The following ATP10A variants were observed in gnomAD, a reference collection of about 807,000 sequenced individuals.
ATP10A encodes ATPase phospholipid transporting 10A (putative).
ATP10A carries 111 observed loss-of-function variants against 147.8 expected under a neutral mutation model. That is an observed-to-expected ratio of 0.75 (90% CI 0.64 to 0.88). The LOEUF (loss-of-function observed/expected upper bound fraction) is 0.88. Among genes scored for constraint, ATP10A ranks in the 40% least tolerant of loss-of-function variants. The pLI is 0.00. For missense variants in ATP10A, 1,927 were observed against 1,959.0 expected (o/e 0.98, Z 0.31); for synonymous variants, 875 against 841.6 (o/e 1.04, Z -0.69).
Position 25,862,844 on chromosome 15 carries a change from G to A in ATP10A, c.253C>T (p.Arg85Cys), listed in dbSNP as rs1893829567. The part of the protein sequence containing the change: ...LPKNLFEQFH[R>C]PANVYFVFIA... The stretch of plus-strand genomic sequence containing the variant: ...AAGACAAAGTACACGTTGGCCGGGC[G>A]GTGGAACTGCTCGAACAGGTTCTTG... Residue 85 changes from arginine (R) to cysteine (C), a missense_variant, in exon 1 of 21, where the codon CGC becomes TGC. Transcript: ENST00000555815. The A allele has an allele frequency of 6.2e-7, 1 of 1,609,926 alleles. No individual in the cohort carries two copies. The highest frequency in any genetic ancestry group is 1.3e-5 in the African/African-American group (1 of 74,860).
chr15:25,836,187 G>A (rs1325283902), intron 1 of ATP10A, among the ~76,000 whole-genome samples: 1 of 152,168 alleles, frequency 6.6e-6, no homozygotes, highest in African/African-American at 2.4e-5. Context: ...CACCTCGAGT[G>A]ATCATCTTGC....
In ATP10A at chr15:25,683,435, A is replaced by T; in HGVS notation, c.3343T>A (p.Ser1115Thr). Reference protein sequence around the residue: ...WFQFFCGFSASTMIDQWYLIF... With the variant: ...WFQFFCGFSATTMIDQWYLIF... ...AGATACCACTGGTCAATCATGGTAGATGCAGAGAAGCCACAGAAAAACTGG... is the reference window on the plus strand; with the variant it reads ...AGATACCACTGGTCAATCATGGTAGTTGCAGAGAAGCCACAGAAAAACTGG... The change falls in exon 17 of 21, where the codon TCT becomes ACT. Residue 1115 changes from serine to threonine, a missense_variant. Coordinates refer to ENST00000555815, the MANE Select transcript of ATP10A (RefSeq NM_024490.4). 6.2e-7 allele frequency: 1 copy of T among 1,614,126 alleles called. No individual in the cohort carries two copies. The highest frequency in any genetic ancestry group is 8.5e-7 in the Non-Finnish European group (1 of 1,180,014).
chr15:25,794,959 G>A (rs749281429), intron 1 of ATP10A, among the ~76,000 whole-genome samples: 19 of 152,214 alleles, frequency 1.2e-4, no homozygotes, highest in African/African-American at 3.9e-4. Flanking sequence ...GCTGGAGGTC[G>A]GAACAGCAGC....
intron 12 of ATP10A, among the ~76,000 whole-genome samples, chr15:25,702,768 T>G (rs555655637): frequency 6.6e-6 from 1 of 152,118 alleles, no homozygotes; most frequent in South Asian, 2.1e-4. Context: ...TTTTTTTTTT[T>G]TTAAGATCTG....
In ATP10A at chr15:25,714,186, C is replaced by A; in HGVS notation, c.1832G>T (p.Arg611Leu). The change falls in exon 10 of 21, where the codon CGG becomes CTG. Residue 611 changes from arginine (R) to leucine (L), a missense_variant. Transcript: ENST00000555815. ...SPVKTIEDFL[R>L]RFTPSCLTSG... is the part of the protein sequence containing the mutation. ...GGTCAGGCAGCTGGGTGTGAACCTC[C>A]GCAGGAAGTCTTCTATCGTCTTCAC... The A allele has an allele frequency of 6.2e-7, 1 of 1,606,512 alleles. No individual in the cohort carries two copies.
At chr15:25,734,495 A>C (rs1887150163) in intron 3 of ATP10A, among the ~76,000 whole-genome samples, 1 of 152,014 alleles carries the variant, frequency 6.6e-6, no homozygotes, top group African/African-American at 2.4e-5. Context: ...TCTGTAGCCA[A>C]CTCGTGCCTG....
intron 14 of ATP10A, 147 bp downstream of exon 14, chr15:25,694,672 T>C (rs1900212831): frequency 4.0e-6 from 3 of 746,758 alleles, no homozygotes; most frequent in East Asian, 2.7e-5. Flanking sequence ...CTTCGGAACA[T>C]GTTGCCTGCT....
At chr15:25,774,482 G>A (rs916537679) in intron 2 of ATP10A, among the ~76,000 whole-genome samples, 3 of 151,970 alleles carry the variant, frequency 2.0e-5, no homozygotes, top group Non-Finnish European at 2.9e-5. Context: ...GCTGAGGCAG[G>A]AGAATCACTT....
At chr15:25,840,538 C>A (rs959317286) in intron 1 of ATP10A, among the ~76,000 whole-genome samples, 1 of 152,076 alleles carries the variant, frequency 6.6e-6, no homozygotes, top group Admixed American at 6.5e-5. Flanking sequence ...ATCACAGTTT[C>A]TTTAACCACT....
At chr15:25,818,153 C>G (rs1010313135) in intron 1 of ATP10A, among the ~76,000 whole-genome samples, 3 of 151,900 alleles carry the variant, frequency 2.0e-5, no homozygotes, top group African/African-American at 4.8e-5. Flanking sequence ...ATTAAAAAAA[C>G]CTAGAAACAC....
rs1413273837 is a variant in ATP10A, at chr15:25,842,452, G to A, written c.449+20196C>T. ...TTAAATTATTTACTTGTAATCACGG[G>A]GAGGAGCAGGGAAAAATGAATCTAC... On this transcript the variant is annotated intron_variant, in intron 1 of 20. Transcript: ENST00000555815. 3.3e-5 allele frequency among the ~76,000 whole-genome samples: 5 copies of A among 152,188 alleles called. No homozygotes were observed. In the South Asian group the frequency reaches 6.2e-4, roughly 19 times the overall value.
chr15:25,740,269 A>T (rs541871306), intron 2 of ATP10A, among the ~76,000 whole-genome samples: 24 of 152,366 alleles, frequency 1.6e-4, no homozygotes, highest in South Asian at 1.4e-3. Flanking sequence ...ATCATAAAAA[A>T]ACTAAAGTAA....
chr15:25,837,025 G>A (rs61993771), intron 1 of ATP10A, among the ~76,000 whole-genome samples: 553 of 152,236 alleles, frequency 3.6e-3, no homozygotes, highest in Non-Finnish European at 6.2e-3. Flanking sequence ...AATACATAGA[G>A]AAATGATCAC....
chr15:25,837,487 C>A (rs1204928264), intron 1 of ATP10A, among the ~76,000 whole-genome samples: 1 of 152,084 alleles, frequency 6.6e-6, no homozygotes. Flanking sequence ...AGGCTCCCGG[C>A]GCAGGGAGTG....
At chr15:25,712,816 T>C (rs1391891351) in intron 10 of ATP10A, among the ~76,000 whole-genome samples, 1 of 152,150 alleles carries the variant, frequency 6.6e-6, no homozygotes. Flanking sequence ...CACAGCTCTG[T>C]GATGGGGACA....
intron 2 of ATP10A, among the ~76,000 whole-genome samples, chr15:25,742,295 G>T (rs574203595): frequency 6.6e-6 from 1 of 152,340 alleles, no homozygotes; most frequent in East Asian, 1.9e-4. Flanking sequence ...CTTCTGGGAG[G>T]CTCACGCCTC....
chr15:25,711,878 G>A (rs1037093419), intron 10 of ATP10A, among the ~76,000 whole-genome samples: 2 of 152,170 alleles, frequency 1.3e-5, no homozygotes, highest in Admixed American at 6.5e-5. Flanking sequence ...ATTTTGAGTC[G>A]GAGGAGAGCA....
At chr15:25,850,374 C>CT (rs1427761111) in intron 1 of ATP10A, among the ~76,000 whole-genome samples, 3 of 152,150 alleles carry the variant, frequency 2.0e-5, no homozygotes, top group African/African-American at 7.2e-5. Context: ...CCGAGACAGA[C>CT]AGCGTGGATG....
At chr15:25,841,152 A>T (rs897483567) in intron 1 of ATP10A, among the ~76,000 whole-genome samples, 3 of 152,190 alleles carry the variant, frequency 2.0e-5, no homozygotes, top group African/African-American at 7.2e-5. Flanking sequence ...TGTCAAGTCT[A>T]TGAATTCTTT....
Sources: allele counts gnomAD v4.1 joint callset (sites outside exome capture counted in the v4.1 genomes callset), GRCh38; gene constraint gnomAD v4.1.1; transcripts MANE v1.5; gene names NCBI Gene and HGNC (gene_info 2026-07-23, HGNC 2026-07-21).